Variants in SND1 observed in about 807,000 individuals in gnomAD.
SND1 encodes the protein staphylococcal nuclease and tudor domain containing 1.
Under a neutral mutation model 121.7 loss-of-function variants are expected in SND1, and 38 were observed. That is an observed-to-expected ratio of 0.31 (90% CI 0.24 to 0.41). The LOEUF is 0.41. Among genes scored for constraint, SND1 ranks in the 10% least tolerant of loss-of-function variants. The pLI, the probability that SND1 is intolerant of heterozygous loss-of-function variation, is 1.00. For synonymous variants in SND1, 401 were observed against 447.4 expected, an observed-to-expected ratio of 0.90 and a Z score of 1.31; for missense variants, 868 against 1,184.6, an observed-to-expected ratio of 0.73 and a Z score of 3.92.
At chr7:128,025,866 G>GTCTT (rs1803463999) in intron 16 of SND1, among the ~76,000 whole-genome samples, 1 of 152,072 alleles carries the variant, frequency 6.6e-6, no homozygotes. Flanking sequence ...GCTGAATATA[G>GTCTT]TCTTCCTTGG....
chr7:127,846,495 C>T (rs1376075139), intron 12 of SND1, among the ~76,000 whole-genome samples: 1 of 152,102 alleles, frequency 6.6e-6, no homozygotes, highest in East Asian at 1.9e-4. Flanking sequence ...ATACTGAAAC[C>T]ATCCTTCATT....
At chr7:128,077,048 T>C (rs1410889055) in intron 17 of SND1, among the ~76,000 whole-genome samples, 1 of 152,068 alleles carries the variant, frequency 6.6e-6, no homozygotes, top group Admixed American at 6.5e-5. Context: ...CTGTCCCCCC[T>C]CCTTAACCCC....
At chr7:127,928,497 C>T (rs961895482) in intron 14 of SND1, among the ~76,000 whole-genome samples, 1 of 147,674 alleles carries the variant, frequency 6.8e-6, no homozygotes, top group African/African-American at 2.5e-5. Flanking sequence ...GTGAGATAGC[C>T]TAGGCGTCGC....
At chr7:127,951,364 A>G (rs1287382957) in intron 15 of SND1, among the ~76,000 whole-genome samples, 2 of 152,212 alleles carry the variant, frequency 1.3e-5, no homozygotes, top group Non-Finnish European at 2.9e-5. Flanking sequence ...AGGTAACTAA[A>G]ATAGTGACAC....
chr7:127,922,748 A>G (rs1800746086), intron 14 of SND1, among the ~76,000 whole-genome samples: 1 of 152,156 alleles, frequency 6.6e-6, no homozygotes, highest in Non-Finnish European at 1.5e-5. Flanking sequence ...ATTTCTTTTA[A>G]TAATTGTAAT....
intron 10 of SND1, among the ~76,000 whole-genome samples, chr7:127,805,497 A>C (rs1441224186): frequency 2.0e-5 from 3 of 152,200 alleles, no homozygotes; most frequent in Non-Finnish European, 4.4e-5. Context: ...ATGAAACTCA[A>C]ATTTCCTTGA....
intron 18 of SND1, among the ~76,000 whole-genome samples, chr7:128,084,133 A>C (rs1470656300): frequency 6.6e-6 from 1 of 152,174 alleles, no homozygotes; most frequent in Admixed American, 6.5e-5. Context: ...AGTTTGAATA[A>C]TACTGAGGCT....
At chr7:127,802,816 A>T (rs907052728) in intron 10 of SND1, among the ~76,000 whole-genome samples, 4 of 152,060 alleles carry the variant, frequency 2.6e-5, no homozygotes, top group African/African-American at 9.7e-5. Flanking sequence ...ATCTTATTTG[A>T]TGGACCCCAG....
At chr7:127,671,298 A>G (rs1231334318) in intron 1 of SND1, among the ~76,000 whole-genome samples, 1 of 152,224 alleles carries the variant, frequency 6.6e-6, no homozygotes, top group African/African-American at 2.4e-5. Context: ...TATCCCCTTT[A>G]CCAAGAGTCC....
chr7:127,716,021 G>A (rs966077977), intron 9 of SND1, among the ~76,000 whole-genome samples: 1 of 152,150 alleles, frequency 6.6e-6, no homozygotes, highest in Non-Finnish European at 1.5e-5. Context: ...TCATTTGACT[G>A]TATATGCAAG....
chr7:127,777,325 A>G (rs1398087105), intron 10 of SND1, among the ~76,000 whole-genome samples: 1 of 152,268 alleles, frequency 6.6e-6, no homozygotes, highest in Admixed American at 6.5e-5. Flanking sequence ...TTAATGTTAT[A>G]TGCAAAATAT....
intron 14 of SND1, among the ~76,000 whole-genome samples, chr7:127,906,754 G>T (rs1429890189): frequency 6.6e-6 from 1 of 152,014 alleles, no homozygotes; most frequent in Non-Finnish European, 1.5e-5. Context: ...CCAGTCTCAG[G>T]GTTGTCCTCT....
intron 12 of SND1, among the ~76,000 whole-genome samples, chr7:127,865,966 T>G (rs34026100): frequency 0.21 from 31,760 of 151,270 alleles, 3,882 homozygotes; most frequent in Middle Eastern, 0.31. Flanking sequence ...TTGTATCATC[T>G]TACTCTCATT....
In SND1 at chr7:127,686,756, T is replaced by C; in HGVS notation, c.222T>C (p.Pro74=). Residue 74 remains proline, a synonymous_variant, in exon 2 of 24, where the codon CCT becomes CCC. Coordinates refer to ENST00000354725, the MANE Select transcript of SND1 (RefSeq NM_014390.4). ...CACAACCTGATGCAAAGGATACCCC[T>C]GATGAGGTAGGTGTTTCCTGAGGCC... ...AATQPDAKDT[P]DEPWAFPARE... is the part of the protein sequence containing the mutation. 1.2e-6 allele frequency: 2 copies of C among 1,613,278 alleles called. No homozygotes were observed. The highest frequency in any genetic ancestry group is 1.7e-6 in the Non-Finnish European group (2 of 1,179,324).
In SND1 at chr7:127,799,240, A is replaced by C. The variant is rs551920804; in HGVS notation, c.1153-8244A>C. On this transcript the variant is annotated intron_variant, in intron 10 of 23. Coordinates refer to ENST00000354725, the MANE Select transcript of SND1 (RefSeq NM_014390.4). ...CAAGAGCTGCAGTGCCTGGCTCACA[A>C]GCCATGAGCCTCTGGGGTACCTGGG... 4.6e-5 allele frequency among the ~76,000 whole-genome samples: 7 copies of C among 152,278 alleles called. No individual in the cohort carries two copies. The South Asian group carries it at 1.5e-3, about 32-fold the overall frequency.
chr7:128,058,437 G>A (rs1350358029), intron 16 of SND1, among the ~76,000 whole-genome samples: 1 of 152,218 alleles, frequency 6.6e-6, no homozygotes, highest in African/African-American at 2.4e-5. Context: ...TCCCTGAATG[G>A]CAGAGGCTAA....
intron 13 of SND1, 51 bp from the exon 14 acceptor site, chr7:127,904,696 C>T (rs1210620800): frequency 1.6e-6 from 2 of 1,283,378 alleles, no homozygotes; most frequent in South Asian, 2.4e-5. Flanking sequence ...CCTCCTACCC[C>T]TTCCCATTGT....
intron 2 of SND1, among the ~76,000 whole-genome samples, chr7:127,691,062 G>T (rs1795904674): frequency 1.3e-5 from 2 of 152,088 alleles, no homozygotes; most frequent in Admixed American, 6.6e-5. Context: ...GGGCACTGTG[G>T]GAATTATATA....
intron 14 of SND1, among the ~76,000 whole-genome samples, chr7:127,918,048 A>G (rs1195570113): frequency 1.5e-5 from 1 of 68,034 alleles, no homozygotes; most frequent in Non-Finnish European, 2.7e-5. Flanking sequence ...TCGGCCATAG[A>G]TTTTTTCTTT....
Sources: gnomAD v4.1 joint callset for allele counts (sites outside exome capture counted in the v4.1 genomes callset) on GRCh38, gnomAD v4.1.1 for gene constraint, MANE v1.5 for transcripts, NCBI Gene and HGNC (gene_info 2026-07-23, HGNC 2026-07-21) for gene names.